The following SGCD variants were observed in gnomAD, a reference collection of about 807,000 sequenced individuals.
The protein encoded by SGCD is sarcoglycan delta.
A neutral mutation model predicts 36.6 loss-of-function variants in SGCD; 18 were observed. That is an observed-to-expected ratio of 0.49 (90% CI 0.34 to 0.73). The LOEUF (loss-of-function observed/expected upper bound fraction) is 0.73. Among genes scored for constraint, SGCD ranks in the 30% least tolerant of loss-of-function variants. The probability of loss-of-function intolerance (pLI) is 0.01; values close to 1 mark genes in which losing one functional copy is unlikely to be tolerated. For missense variants in SGCD, 387 were observed against 346.7 expected (o/e 1.12, Z -0.92); for synonymous variants, 133 against 130.6 (o/e 1.02, Z -0.12).
At chr5:156,602,248 T>A (rs2113417120) in intron 6 of SGCD, among the ~76,000 whole-genome samples, 1 of 152,308 alleles carries the variant, frequency 6.6e-6, no homozygotes, top group East Asian at 1.9e-4. Context: ...TTCAAATAGT[T>A]CACTGTTAGC....
At chr5:156,080,590 C>G (rs1426286572) in intron 1 of SGCD, among the ~76,000 whole-genome samples, 3 of 152,192 alleles carry the variant, frequency 2.0e-5, no homozygotes, top group Non-Finnish European at 4.4e-5. Context: ...GAATGCTTTG[C>G]TGCTTAGAAA....
At chr5:156,686,619 A>C (rs753788400) in intron 7 of SGCD, among the ~76,000 whole-genome samples, 26 of 152,210 alleles carry the variant, frequency 1.7e-4, no homozygotes, top group Non-Finnish European at 3.5e-4. Context: ...AAGCTTACTC[A>C]GATGCTGACA....
intron 1 of SGCD, among the ~76,000 whole-genome samples, chr5:155,962,169 A>C (rs1027170455): frequency 1.2e-4 from 18 of 152,198 alleles, no homozygotes; most frequent in African/African-American, 4.3e-4. Context: ...ATTTGAACCC[A>C]AATCTGTCTG....
chr5:156,197,078 A>G (rs948797976), intron 3 of SGCD, among the ~76,000 whole-genome samples: 7 of 152,136 alleles, frequency 4.6e-5, no homozygotes, highest in African/African-American at 1.7e-4. Context: ...TCAGATATTT[A>G]TGTTGTTTTT....
At chr5:156,350,247 T>TATATATATATATATATA (rs1769170083) in intron 3 of SGCD, among the ~76,000 whole-genome samples, 1 of 95,782 alleles carries the variant, frequency 1.0e-5, no homozygotes, top group Admixed American at 1.0e-4. Context: ...GGAAAAAAAA[T>TATATATATATATATATA]TATATATATA....
intron 1 of SGCD, among the ~76,000 whole-genome samples, chr5:155,978,471 G>A (rs1368024711): frequency 6.6e-6 from 1 of 152,236 alleles, no homozygotes; most frequent in Non-Finnish European, 1.5e-5. Flanking sequence ...CTCAATGATA[G>A]TGTGGCAACT....
At chr5:156,142,109 G>A (rs1043612838) in intron 3 of SGCD, among the ~76,000 whole-genome samples, 4 of 152,112 alleles carry the variant, frequency 2.6e-5, no homozygotes, top group Non-Finnish European at 5.9e-5. Context: ...GATAGTGAGT[G>A]AGTTCCCATG....
At chr5:156,531,923 A>T (rs946815892) in intron 4 of SGCD, among the ~76,000 whole-genome samples, 1 of 152,110 alleles carries the variant, frequency 6.6e-6, no homozygotes, top group Non-Finnish European at 1.5e-5. Flanking sequence ...AGCCTGGCCA[A>T]CATGGTGAAA....
chr5:155,736,968 C>G, the SGCD span, among the ~76,000 whole-genome samples: 2 of 152,152 alleles, frequency 1.3e-5, no homozygotes, highest in Admixed American at 1.3e-4. Context: ...AGTGAGTGCT[C>G]TTTCCTTTTC....
At chr5:156,419,498 G>A (rs1489475444) in intron 3 of SGCD, among the ~76,000 whole-genome samples, 1 of 152,064 alleles carries the variant, frequency 6.6e-6, no homozygotes, top group Admixed American at 6.6e-5. Flanking sequence ...CAGATTTATA[G>A]TTTCTTCTGA....
At chr5:156,001,483 T>C (rs1380901145) in intron 1 of SGCD, among the ~76,000 whole-genome samples, 2 of 152,254 alleles carry the variant, frequency 1.3e-5, no homozygotes, top group East Asian at 1.9e-4. Context: ...TCTCACGTTG[T>C]GGATAACAAC....
the SGCD span, among the ~76,000 whole-genome samples, chr5:155,846,020 G>A: frequency 6.6e-5 from 10 of 152,146 alleles, no homozygotes; most frequent in Non-Finnish European, 1.5e-4. Context: ...AGTTTTTCAT[G>A]ATTGGCAAAG....
chr5:156,692,070 A>T (rs1344476603), intron 7 of SGCD, among the ~76,000 whole-genome samples: 3 of 152,214 alleles, frequency 2.0e-5, no homozygotes, highest in Non-Finnish European at 4.4e-5. Flanking sequence ...CATAAAAATC[A>T]AATTAGAAGT....
intron 3 of SGCD, among the ~76,000 whole-genome samples, chr5:156,138,105 C>T (rs1026631909): frequency 6.6e-6 from 1 of 152,134 alleles, no homozygotes; most frequent in African/African-American, 2.4e-5. Flanking sequence ...CCTTTTGAAA[C>T]TTCACATACA....
intron 7 of SGCD, among the ~76,000 whole-genome samples, chr5:156,676,851 C>T (rs1376303226): frequency 1.3e-5 from 2 of 152,150 alleles, no homozygotes; most frequent in African/African-American, 4.8e-5. Flanking sequence ...TGAATGCTTG[C>T]TATGTGTCTG....
chr5:156,123,561 G>A (rs567511113), intron 2 of SGCD, among the ~76,000 whole-genome samples: 16 of 152,224 alleles, frequency 1.1e-4, no homozygotes, highest in Non-Finnish European at 1.8e-4. Flanking sequence ...GAATTATCAT[G>A]GAAAATCGCT....
At chr5:156,218,014 C>G (rs1340074215) in intron 3 of SGCD, among the ~76,000 whole-genome samples, 1 of 152,036 alleles carries the variant, frequency 6.6e-6, no homozygotes, top group Non-Finnish European at 1.5e-5. Context: ...GTAGCCATAC[C>G]TGTAATACCA....
intron 3 of SGCD, among the ~76,000 whole-genome samples, chr5:156,180,153 A>G (rs1763567348): frequency 6.6e-6 from 1 of 152,216 alleles, no homozygotes; most frequent in African/African-American, 2.4e-5. Context: ...TCTGAGCACA[A>G]AAGTATTTTC....
At chr5:156,486,624 T>C (rs1410967532) in intron 3 of SGCD, among the ~76,000 whole-genome samples, 7 of 152,122 alleles carry the variant, frequency 4.6e-5, no homozygotes, top group Non-Finnish European at 7.4e-5. Context: ...GACAGCATCA[T>C]CTCACCTGCC....
Sources: allele counts gnomAD v4.1 joint callset (sites outside exome capture counted in the v4.1 genomes callset), GRCh38; gene constraint gnomAD v4.1.1; transcripts MANE v1.5; gene names NCBI Gene and HGNC (gene_info 2026-07-23, HGNC 2026-07-21).